LHFPL5: variants seen among roughly 807,000 people sequenced by gnomAD.
LHFPL5 encodes LHFPL tetraspan subfamily member 5 protein.
In LHFPL5, 12 loss-of-function variants were observed where a neutral mutation model predicts 18.7. That is an observed-to-expected ratio of 0.64 (90% confidence interval 0.41 to 1.04). The LOEUF is 1.04. Ranked by LOEUF, LHFPL5 falls within the 50% of genes least tolerant of loss-of-function variation. The pLI, the probability that LHFPL5 is intolerant of heterozygous loss-of-function variation, is 0.00. For synonymous variants in LHFPL5, 111 were observed against 120.2 expected, an observed-to-expected ratio of 0.92 and a Z score of 0.50; for missense variants, 259 against 292.1, an observed-to-expected ratio of 0.89 and a Z score of 0.83.
intron 3 of LHFPL5, among the ~76,000 whole-genome samples, chr6:35,821,359 C>T (rs116066389): frequency 0.021 from 3,114 of 151,094 alleles, 117 homozygotes; most frequent in African/African-American, 0.072. Flanking sequence ...GGTCTGGGGC[C>T]GTAGACCCTG....
At chr6:35,810,396 A>G (rs1768643673) in intron 1 of LHFPL5, among the ~76,000 whole-genome samples, 1 of 152,186 alleles carries the variant, frequency 6.6e-6, no homozygotes, top group Admixed American at 6.5e-5. Flanking sequence ...CACCTTGCAC[A>G]TGGTAAGTGC....
rs1452634032 is a variant in LHFPL5, at chr6:35,823,319, A to G, written c.*354A>G. On this transcript the variant is annotated 3_prime_UTR_variant, in exon 4 of 4. Coordinates refer to ENST00000360215, the MANE Select transcript of LHFPL5 (RefSeq NM_182548.4). ...CTCTCCTCTGTAAAGCGAGAGGGCTAAATGGGTCCATCTCTAGGGGCCTTC... is the reference window on the plus strand; with the variant it reads ...CTCTCCTCTGTAAAGCGAGAGGGCTGAATGGGTCCATCTCTAGGGGCCTTC... 2 of 151,946 alleles carry G rather than the reference A, an allele frequency of 1.3e-5. No homozygotes were observed. The highest frequency in any genetic ancestry group is 2.9e-5 in the Non-Finnish European group (2 of 68,154). 9.4% of individuals were successfully genotyped at this position (151,946 alleles called of 1,614,324 possible).
At position 35,805,823 on chromosome 6, in the gene LHFPL5, C is replaced by T. The variant is rs2151068732; in HGVS notation, c.153C>T (p.Gly51=). 1.2e-6 allele frequency: 2 copies of T among 1,614,240 alleles called. No individual in the cohort carries two copies. Among genetic ancestry groups the T allele is most frequent in the African/African-American group, 2.7e-5 (2 of 75,066 alleles). Reference sequence around the variant, plus strand: ...TCTTCATCCAGCCCTACTGGATCGGCGACAGCGTCAACACACCGCAGGCAG... The same window carrying T: ...TCTTCATCCAGCCCTACTGGATCGGTGACAGCGTCAACACACCGCAGGCAG... ...MALFIQPYWI[G]DSVNTPQAGY... is the part of the protein sequence containing the mutation. Residue 51 remains glycine, a synonymous_variant, in exon 1 of 4, where the codon GGC becomes GGT. Transcript: ENST00000360215. This position sits in a 1 kb window ranked among gnomAD's most constrained non-coding sequence, Gnocchi z 4.3.
Position 35,814,632 on chromosome 6 carries a change from A to G in LHFPL5, c.499A>G (p.Lys167Glu). 1 of 1,614,164 alleles carries G rather than the reference A, an allele frequency of 6.2e-7. No homozygotes were observed. The change falls in exon 2 of 4, where the codon AAG (lysine) becomes GAG (glutamate). Residue 167 changes from lysine to glutamate, a missense_variant. Lys to Glu is a moderately conservative substitution (Grantham distance 56). Transcript: ENST00000360215. This position sits in a 1 kb window ranked among gnomAD's most constrained non-coding sequence, Gnocchi z 4.2. ...GCGCATGTGTGGGGAGCAGACGGGC[A>G]AGTACACGCTGGGCCACTGCACCAT... ...VRRMCGEQTG[K>E]YTLGHCTIRW...
chr6:35,821,856 A>AGTTTT (rs1768873385), intron 3 of LHFPL5, among the ~76,000 whole-genome samples: 1 of 69,196 alleles, frequency 1.4e-5, no homozygotes. Flanking sequence ...GGTGTACCAC[A>AGTTTT]ATTTTTTTTT....
At chr6:35,808,710 T>C (rs1768616267) in intron 1 of LHFPL5, among the ~76,000 whole-genome samples, 1 of 151,432 alleles carries the variant, frequency 6.6e-6, no homozygotes, top group Non-Finnish European at 1.5e-5. Context: ...TATGGGATGC[T>C]GGAGACACAA....
intron 3 of LHFPL5, among the ~76,000 whole-genome samples, chr6:35,822,736 C>G (rs1267594077): frequency 6.6e-6 from 1 of 150,904 alleles, no homozygotes; most frequent in African/African-American, 2.4e-5. Context: ...ATCCGCCCGC[C>G]TTGGCCTCCC....
intron 2 of LHFPL5, among the ~76,000 whole-genome samples, chr6:35,818,338 TATATATA>T (rs1561955576): frequency 7.3e-4 from 11 of 15,038 alleles, no homozygotes; most frequent in African/African-American, 1.4e-3. Context: ...TATATATATA[TATATATA>T]TATGTATTTT....
At position 35,813,595 on chromosome 6, in the gene LHFPL5, G is replaced by C. The variant is rs189137154; in HGVS notation, c.413-951G>C. ...TGTAGCAACTGGACTATGCTGTACT[G>C]GGTAAGAGTGAGGAGGAAACCTGTT... On this transcript the variant is annotated intron_variant, in intron 1 of 3. Transcript: ENST00000360215. Among the ~76,000 whole-genome samples the C allele has an allele frequency of 1.6e-3, 244 of 152,056 alleles. 2 individuals are homozygous for C. The highest frequency in any genetic ancestry group is 8.5e-3 in the Admixed American group (129 of 15,260).
intron 1 of LHFPL5, among the ~76,000 whole-genome samples, chr6:35,811,729 C>G (rs1344301159): frequency 6.6e-6 from 1 of 152,304 alleles, no homozygotes; most frequent in East Asian, 1.9e-4. Context: ...AGCCAGGGGC[C>G]CTGCCAGGCA....
intron 3 of LHFPL5, 95 bp downstream of exon 3, chr6:35,819,558 G>T (rs545538788): frequency 1.7e-6 from 2 of 1,188,950 alleles, no homozygotes; most frequent in Non-Finnish European, 2.5e-6. Context: ...GACACCAGGG[G>T]CTGGGCTGTA....
In LHFPL5 at chr6:35,814,665, G is replaced by A. The variant is rs1435680484; in HGVS notation, c.532G>A (p.Ala178Thr). ...GCTGGGCCACTGCACCATCCGCTGG[G>A]CCTTCATGCTGGCCATCCTCAGCAT... The part of the protein sequence containing the change: ...YTLGHCTIRW[A>T]FMLAILSIGD... The change falls in exon 2 of 4, where the codon GCC (alanine) becomes ACC (threonine). Residue 178 changes from alanine (A) to threonine (T), a missense_variant. Physicochemically the swap from Ala to Thr is moderately conservative, Grantham distance 58. Transcript: ENST00000360215. The surrounding 1 kb of genome is among the most constrained non-coding windows in gnomAD (Gnocchi z 4.2). 4 of 1,614,164 alleles carry A rather than the reference G, an allele frequency of 2.5e-6. No individual in the cohort carries two copies. Among genetic ancestry groups the A allele is most frequent in the Non-Finnish European group, 3.4e-6 (4 of 1,180,030 alleles).
intron 1 of LHFPL5, among the ~76,000 whole-genome samples, chr6:35,809,999 C>T (rs911454970): frequency 5.9e-5 from 9 of 152,152 alleles, no homozygotes; most frequent in Admixed American, 3.3e-4. Context: ...TGAGTTGGGA[C>T]GATTTCAAAT....
intron 3 of LHFPL5, among the ~76,000 whole-genome samples, chr6:35,821,903 T>C (rs184677297): frequency 9.7e-5 from 12 of 123,882 alleles, no homozygotes; most frequent in Admixed American, 4.7e-4. Flanking sequence ...AGACAGGGTC[T>C]TGCTCTGTTG....
At chr6:35,813,590 G>C (rs1768707635) in intron 1 of LHFPL5, among the ~76,000 whole-genome samples, 1 of 152,104 alleles carries the variant, frequency 6.6e-6, no homozygotes, top group South Asian at 2.1e-4. Flanking sequence ...GGACTATGCT[G>C]TACTGGGTAA....
At chr6:35,819,327 T>G in intron 2 of LHFPL5, 110 bp from the exon 3 acceptor site, 1 of 1,024,880 alleles carries the variant, frequency 9.8e-7, no homozygotes, top group South Asian at 1.3e-5. Context: ...GTGCAAGCTT[T>G]CTTGAGAGTA....
chr6:35,811,618 C>T (rs567545086), intron 1 of LHFPL5, among the ~76,000 whole-genome samples: 3 of 152,270 alleles, frequency 2.0e-5, no homozygotes, highest in African/African-American at 4.8e-5. Flanking sequence ...GGAGCCCCCA[C>T]AGGAAGATGG....
rs1443082182 is a variant in LHFPL5, at chr6:35,824,002, T to A, written c.*1037T>A. The stretch of plus-strand genomic sequence containing the variant: ...AGTATTTGCATATAACCTATGCACA[T>A]CCTCCTGTATACTTTAAATCATCTC... On this transcript the variant is annotated 3_prime_UTR_variant, in exon 4 of 4. Coordinates refer to ENST00000360215, the MANE Select transcript of LHFPL5 (RefSeq NM_182548.4). 3 of 152,208 alleles carry A rather than the reference T, an allele frequency of 2.0e-5. No homozygotes were observed. Among genetic ancestry groups the A allele is most frequent in the African/African-American group, 7.2e-5 (3 of 41,462 alleles). The allele number at this position is 152,208 out of a possible 1,614,324, so 9.4% of individuals were successfully genotyped here.
intron 1 of LHFPL5, among the ~76,000 whole-genome samples, chr6:35,810,190 G>A (rs1006780712): frequency 3.3e-5 from 5 of 152,170 alleles, no homozygotes; most frequent in East Asian, 3.9e-4. Context: ...AATCCCATTC[G>A]TGGAGGGCCC....
Sources: gnomAD v4.1 joint callset for allele counts (sites outside exome capture counted in the v4.1 genomes callset) on GRCh38, gnomAD v4.1.1 for gene constraint, Gnocchi (gnomAD v3.1) non-coding constraint, MANE v1.5 for transcripts, NCBI Gene and HGNC (gene_info 2026-07-23, HGNC 2026-07-21) for gene names.